UTRN: variants seen among roughly 807,000 people sequenced by gnomAD.
UTRN encodes dystrophin-related protein 1.
A neutral mutation model predicts 463.9 loss-of-function variants in UTRN; 283 were observed. That is an observed-to-expected ratio of 0.61 (90% CI 0.55 to 0.67). The LOEUF (loss-of-function observed/expected upper bound fraction) is 0.67, where lower values mean the gene tolerates loss of function less well. UTRN is among the 30% of genes least tolerant of loss of function. UTRN has a pLI of 0.00. For synonymous variants in UTRN, 1,442 were observed against 1,431.5 expected, an observed-to-expected ratio of 1.01 and a Z score of -0.17; for missense variants, 3,922 against 4,084.3, an observed-to-expected ratio of 0.96 and a Z score of 1.08.
intron 2 of UTRN, among the ~76,000 whole-genome samples, chr6:144,347,837 G>GTTTTTTTTTTGTTTTTTTTTTTTTT (rs1777720200): frequency 1.6e-5 from 2 of 128,902 alleles, no homozygotes; most frequent in African/African-American, 6.8e-5. Context: ...CTTATTCTTT[G>GTTTTTTTTTTGTTTTTTTTTTTTTT]TTTTTTTTTT....
chr6:144,361,583 A>T (rs1779081710), intron 2 of UTRN, among the ~76,000 whole-genome samples: 1 of 151,788 alleles, frequency 6.6e-6, no homozygotes, highest in South Asian at 2.1e-4. Flanking sequence ...TTAAAAAAAA[A>T]TTATTTATTT....
At chr6:144,838,617 C>T (rs1237300273) in intron 71 of UTRN, among the ~76,000 whole-genome samples, 1 of 152,162 alleles carries the variant, frequency 6.6e-6, no homozygotes, top group African/African-American at 2.4e-5. Flanking sequence ...TCTTCACTCC[C>T]CTCACAAAAC....
At chr6:144,811,137 C>A (rs1778572316) in intron 65 of UTRN, among the ~76,000 whole-genome samples, 1 of 150,998 alleles carries the variant, frequency 6.6e-6, no homozygotes, top group Non-Finnish European at 1.5e-5. Context: ...ATGCCATTGG[C>A]AAAAATAAAA....
intron 51 of UTRN, among the ~76,000 whole-genome samples, chr6:144,673,644 T>A (rs1781280357): frequency 2.0e-5 from 3 of 152,166 alleles, no homozygotes; most frequent in Admixed American, 2.0e-4. Context: ...TTACATTCAA[T>A]GTTAGTATTG....
intron 46 of UTRN, among the ~76,000 whole-genome samples, chr6:144,545,412 C>A (rs373490490): frequency 1.4e-4 from 21 of 152,310 alleles, no homozygotes; most frequent in African/African-American, 4.8e-4. Flanking sequence ...GCATATCTGC[C>A]TGTCTCTTTA....
intron 2 of UTRN, chr6:144,333,316 C>T (rs1237185467): frequency 2.0e-5 from 3 of 152,118 alleles, no homozygotes; most frequent in Non-Finnish European, 2.9e-5. Context: ...TTTTATTGCT[C>T]TTTGTTCTCT....
chr6:144,736,158 A>C (rs1411592151), intron 54 of UTRN, among the ~76,000 whole-genome samples: 1 of 152,192 alleles, frequency 6.6e-6, no homozygotes, highest in Non-Finnish European at 1.5e-5. Flanking sequence ...GAAGAAAACT[A>C]TCCATAATAG....
intron 34 of UTRN, among the ~76,000 whole-genome samples, chr6:144,506,968 A>G (rs952728529): frequency 1.6e-4 from 25 of 151,790 alleles, no homozygotes; most frequent in Admixed American, 8.5e-4. Context: ...GTTCATTTTC[A>G]TTATTTTTTC....
At chr6:144,685,715 GT>G (rs1352926406) in intron 52 of UTRN, among the ~76,000 whole-genome samples, 1 of 152,012 alleles carries the variant, frequency 6.6e-6, no homozygotes, top group Non-Finnish European at 1.5e-5. Flanking sequence ...AGGATTATTT[GT>G]TTTTGTTCTT....
In UTRN at chr6:144,461,207, C is replaced by T; in HGVS notation, c.2718C>T (p.Gly906=). ...TTTTTAAATAAACAGAACTGAAGGG[C>T]CAACCTGGACATGCATATCTGGAAA... The part of the protein sequence containing the change: ...RQQHLENELK[G]QPGHAYLETL... The change falls in exon 22 of 75, where the codon GGC becomes GGT. Residue 906 remains glycine (G), a synonymous_variant. Transcript: ENST00000367545. 1 of 1,578,230 alleles carries T rather than the reference C, an allele frequency of 6.3e-7. No homozygotes were observed. Among genetic ancestry groups the T allele is most frequent in the Non-Finnish European group, 8.6e-7 (1 of 1,163,424 alleles).
chr6:144,499,628 T>A (rs1291494723), intron 34 of UTRN, among the ~76,000 whole-genome samples: 1 of 152,174 alleles, frequency 6.6e-6, no homozygotes, highest in Non-Finnish European at 1.5e-5. Flanking sequence ...TAATTTCTAC[T>A]TTTAGATTAA....
chr6:144,344,741 A>G (rs58756941), intron 2 of UTRN, among the ~76,000 whole-genome samples: 9,204 of 152,274 alleles, frequency 0.06, 893 homozygotes, highest in African/African-American at 0.21. Context: ...AAGGCATTTT[A>G]CTTCTTGAAA....
Position 144,851,131 on chromosome 6 carries a change from T to C in UTRN, c.*134T>C. The stretch of plus-strand genomic sequence containing the variant: ...GATGTTGAGTGCTGACTGTGTGTTC[T>C]ACTGAAAGAGTAAAACACTGACTAT... On this transcript the variant is annotated 3_prime_UTR_variant, in exon 75 of 75. Coordinates refer to ENST00000367545, the MANE Select transcript of UTRN (RefSeq NM_007124.3). 1.2e-5 allele frequency: 14 copies of C among 1,142,608 alleles called. No individual in the cohort carries two copies. In the South Asian group the frequency reaches 1.7e-4, roughly 14 times the overall value. 70.8% of individuals were successfully genotyped at this position (1,142,608 alleles called of 1,614,324 possible). A position where few individuals can be genotyped will look rare whatever the true frequency, so the allele number is the denominator to read the frequency against.
At chr6:144,700,641 C>T (rs1024314218) in intron 53 of UTRN, among the ~76,000 whole-genome samples, 2 of 152,040 alleles carry the variant, frequency 1.3e-5, no homozygotes, top group African/African-American at 2.4e-5. Context: ...GATCTCGGCT[C>T]ACTGCAGCCT....
intron 53 of UTRN, among the ~76,000 whole-genome samples, chr6:144,728,381 A>G (rs1477206800): frequency 1.3e-5 from 2 of 151,276 alleles, no homozygotes; most frequent in African/African-American, 4.9e-5. Flanking sequence ...GTAAATGTGT[A>G]TTTTTTTGGA....
chr6:144,731,931 G>A (rs553968553), intron 54 of UTRN, among the ~76,000 whole-genome samples: 3 of 151,380 alleles, frequency 2.0e-5, no homozygotes, highest in African/African-American at 4.8e-5. Flanking sequence ...GTGCGATCTC[G>A]GCTCACTGCA....
chr6:144,461,127 G>C, intron 21 of UTRN, 70 bp from the exon 22 acceptor site: 2 of 1,317,158 alleles, frequency 1.5e-6, no homozygotes, highest in Non-Finnish European at 2.0e-6. Flanking sequence ...ATTCATTTAG[G>C]ATAATGGTCT....
rs1777583449 is a variant in UTRN, at chr6:144,800,166, AG to A, written c.9245+2178del. Among the ~76,000 whole-genome samples, 5 of 152,284 alleles carry A rather than the reference AG, an allele frequency of 3.3e-5. No individual in the cohort carries two copies. In the South Asian group the frequency reaches 1.0e-3, roughly 32 times the overall value. On this transcript the variant is annotated intron_variant, in intron 64 of 74. Coordinates refer to ENST00000367545, the MANE Select transcript of UTRN (RefSeq NM_007124.3). ...AGCATCTGATGGATGTAGAGAGTGA[AG>A]GAGAGGATAAAATACTCTAAAAACA...
chr6:144,806,422 CT>C (rs1332522142), intron 65 of UTRN, among the ~76,000 whole-genome samples: 1 of 152,120 alleles, frequency 6.6e-6, no homozygotes, highest in Non-Finnish European at 1.5e-5. Flanking sequence ...TATCAACAGC[CT>C]ACTTATAAAT....
Sources: gnomAD v4.1 joint callset for allele counts (sites outside exome capture counted in the v4.1 genomes callset) on GRCh38, gnomAD v4.1.1 for gene constraint, MANE v1.5 for transcripts, NCBI Gene and HGNC (gene_info 2026-07-23, HGNC 2026-07-21) for gene names.